The following PCSK6 variants were observed in gnomAD, a reference collection of about 807,000 sequenced individuals.
The protein encoded by PCSK6 is proprotein convertase subtilisin/kexin type 6, also known as paired basic amino acid cleaving enzyme 4.
In PCSK6, 85 loss-of-function variants were observed where a neutral mutation model predicts 123.3. The ratio of observed to expected loss-of-function variants is 0.69; its 90% CI spans 0.58 to 0.83. PCSK6 has a LOEUF of 0.83. Among genes scored for constraint, PCSK6 ranks in the 40% least tolerant of loss-of-function variants. The pLI, the probability that PCSK6 is intolerant of heterozygous loss-of-function variation, is 0.00. For missense variants in PCSK6, 1,191 were observed against 1,282.3 expected, an observed-to-expected ratio of 0.93 and a Z score of 1.09; for synonymous variants, 508 against 516.0, an observed-to-expected ratio of 0.98 and a Z score of 0.21.
At chr15:101,460,915 T>C (rs2057327008) in intron 1 of PCSK6, among the ~76,000 whole-genome samples, 1 of 152,124 alleles carries the variant, frequency 6.6e-6, no homozygotes. Flanking sequence ...AAGATGTGTG[T>C]AACCTGAGGT....
At chr15:101,357,291 C>T (rs768665496) in intron 13 of PCSK6, among the ~76,000 whole-genome samples, 1 of 152,198 alleles carries the variant, frequency 6.6e-6, no homozygotes, top group Non-Finnish European at 1.5e-5. Context: ...CCTCACCAGA[C>T]AACCAGGGAG....
At chr15:101,436,406 C>A (rs10438489) in intron 2 of PCSK6, among the ~76,000 whole-genome samples, 36,160 of 152,156 alleles carry the variant, frequency 0.24, 4,451 homozygotes, top group African/African-American at 0.27. Context: ...TTGTAGCCAA[C>A]GCAAGGGAGA....
intron 6 of PCSK6, among the ~76,000 whole-genome samples, chr15:101,424,312 A>C (rs114592710): frequency 6.6e-6 from 1 of 152,156 alleles, no homozygotes; most frequent in Non-Finnish European, 1.5e-5. Context: ...GCAATTAACA[A>C]TCGACTCATC....
In PCSK6 at chr15:101,389,522, C is replaced by A. The variant is rs757624638; in HGVS notation, c.1252G>T (p.Gly418Trp). 6.2e-7 allele frequency: 1 copy of A among 1,613,512 alleles called. No homozygotes were observed. The highest frequency in any genetic ancestry group is 1.3e-5 in the African/African-American group (1 of 74,890). The change falls in exon 9 of 22, where the codon GGG becomes TGG. Residue 418 changes from glycine to tryptophan, a missense_variant. Gly to Trp is a radical substitution (Grantham distance 184). This residue lies in a region of PCSK6 where 357 missense variants were observed against 484.5 expected (regional missense o/e 0.74). Transcript: ENST00000611716. ...ACCATGGGGGCAGAGACTGAGGTCC[C>A]AGTGTGGCCATCGGTACAGCGCTGA... ...LRQRCTDGHT[G>W]TSVSAPMVAG...
At position 101,454,583 on chromosome 15, in the gene PCSK6, G is replaced by C. The variant is rs189275802; in HGVS notation, c.298-10923C>G. 2.6e-4 allele frequency among the ~76,000 whole-genome samples: 40 copies of C among 152,320 alleles called. No homozygotes were observed. The East Asian group carries it at 4.2e-3, about 16-fold the overall frequency. On this transcript the variant is annotated intron_variant, in intron 1 of 21. Coordinates refer to ENST00000611716, the MANE Select transcript of PCSK6 (RefSeq NM_002570.5). Reference sequence around the variant, plus strand: ...GGTACCTGGAATGGCCAAATTCATAGAGACAGAATGTGGTTGCCAGGGGCT... The same window carrying C: ...GGTACCTGGAATGGCCAAATTCATACAGACAGAATGTGGTTGCCAGGGGCT...
chr15:101,345,324 G>C (rs1195612202), intron 13 of PCSK6, among the ~76,000 whole-genome samples: 1 of 152,134 alleles, frequency 6.6e-6, no homozygotes, highest in Non-Finnish European at 1.5e-5. Context: ...CTTTGTTTTG[G>C]AGTAATTTGT....
At chr15:101,395,749 G>C (rs985026853) in intron 7 of PCSK6, among the ~76,000 whole-genome samples, 7 of 152,206 alleles carry the variant, frequency 4.6e-5, no homozygotes, top group Non-Finnish European at 1.5e-5. Context: ...CTTCCCTGGG[G>C]AGGGAGAGTT....
chr15:101,389,567 G>A lies in PCSK6; in HGVS notation c.1210-3C>T. 1.2e-6 allele frequency: 2 copies of A among 1,607,228 alleles called. No homozygotes were observed. The highest frequency in any genetic ancestry group is 1.7e-5 in the Admixed American group (1 of 59,708). On this transcript the variant is annotated splice_region_variant and splice_polypyrimidine_tract_variant and intron_variant, in intron 8 of 21. Transcript: ENST00000611716. ...CGCTGACGCAGATCCGTGGTGACCT[G>A]GGGGAGAGAGAAGCACAGTGAGGCA...
intron 6 of PCSK6, among the ~76,000 whole-genome samples, chr15:101,405,371 C>T (rs941504413): frequency 2.0e-5 from 3 of 152,134 alleles, no homozygotes; most frequent in African/African-American, 4.8e-5. Flanking sequence ...ACAATGAACC[C>T]GCCTGCCCAG....
intron 1 of PCSK6, among the ~76,000 whole-genome samples, chr15:101,482,632 A>G (rs2057918373): frequency 6.6e-6 from 1 of 152,136 alleles, no homozygotes; most frequent in Non-Finnish European, 1.5e-5. Flanking sequence ...TCACCACCCA[A>G]AGCTCAAAGC....
intron 13 of PCSK6, among the ~76,000 whole-genome samples, chr15:101,348,790 C>G (rs34193540): frequency 6.6e-6 from 1 of 152,304 alleles, no homozygotes; most frequent in Admixed American, 6.5e-5. Context: ...AAGCGGCCAG[C>G]TGAACTCAGA....
intron 19 of PCSK6, among the ~76,000 whole-genome samples, chr15:101,314,401 G>A (rs2039940218): frequency 6.6e-6 from 1 of 152,100 alleles, no homozygotes; most frequent in Non-Finnish European, 1.5e-5. Context: ...CAGCGGAGAG[G>A]GTTACAGGCA....
At chr15:101,399,646 G>A (rs1328027474) in intron 6 of PCSK6, among the ~76,000 whole-genome samples, 1 of 152,318 alleles carries the variant, frequency 6.6e-6, no homozygotes, top group African/African-American at 2.4e-5. Context: ...CCCAGAGAAG[G>A]CATCTGAGAA....
At chr15:101,393,525 G>A (rs1263240654) in intron 7 of PCSK6, 101 bp from the exon 8 acceptor site, 5 of 837,470 alleles carry the variant, frequency 6.0e-6, no homozygotes, top group Non-Finnish European at 9.2e-6. Context: ...TTCCTTCAAA[G>A]GGATAAGAAG....
chr15:101,330,285 T>C (rs1165096141), intron 15 of PCSK6, among the ~76,000 whole-genome samples: 3 of 152,132 alleles, frequency 2.0e-5, no homozygotes, highest in Admixed American at 2.0e-4. Context: ...AAGTACTCCC[T>C]AGGCTTCCCT....
chr15:101,357,700 C>T (rs977666617), intron 13 of PCSK6, among the ~76,000 whole-genome samples: 7 of 152,214 alleles, frequency 4.6e-5, no homozygotes, highest in African/African-American at 9.6e-5. Context: ...GGTCTTATTG[C>T]GAACAATGCC....
In PCSK6 at chr15:101,406,675, C is replaced by T. The variant is rs201260449; in HGVS notation, c.824-8099G>A. 1.5e-4 allele frequency among the ~76,000 whole-genome samples: 23 copies of T among 152,090 alleles called. No individual in the cohort carries two copies. In the East Asian group the frequency reaches 4.3e-3, roughly 28 times the overall value. On this transcript the variant is annotated intron_variant, in intron 6 of 21. Transcript: ENST00000611716. ...CGGCTTTCAAATTGCTAACTATGCC[C>T]CCACAGGACAGCCTTGTTCTAGGAG...
intron 1 of PCSK6, among the ~76,000 whole-genome samples, chr15:101,473,245 T>A (rs150565466): frequency 0.036 from 5,445 of 152,160 alleles, 111 homozygotes; most frequent in Admixed American, 0.062. Flanking sequence ...ACTGGCTAAT[T>A]TTTTTATTTT....
chr15:101,321,976 C>T (rs548826081), intron 18 of PCSK6, among the ~76,000 whole-genome samples: 1 of 152,348 alleles, frequency 6.6e-6, no homozygotes, highest in African/African-American at 2.4e-5. Flanking sequence ...GCTGAAGAAA[C>T]ATTTCAAAAT....
Sources: allele counts gnomAD v4.1 joint callset (sites outside exome capture counted in the v4.1 genomes callset), GRCh38; gene constraint gnomAD v4.1.1; regional missense constraint gnomAD v4.1.1; transcripts MANE v1.5; gene names NCBI Gene and HGNC (gene_info 2026-07-23, HGNC 2026-07-21).